The following LYST variants were observed in gnomAD, a reference collection of about 807,000 sequenced individuals.
LYST encodes the protein lysosomal trafficking regulator, also known as lysosomal-trafficking regulator.
Under a neutral mutation model 413.6 loss-of-function variants are expected in LYST, and 192 were observed. The ratio of observed to expected loss-of-function variants is 0.46; its 90% CI spans 0.41 to 0.52. LYST has a LOEUF of 0.52. Ranked by LOEUF, LYST falls within the 20% of genes least tolerant of loss-of-function variation. LYST has a pLI of 0.00. For synonymous variants in LYST, 1,525 were observed against 1,567.3 expected (o/e 0.97, Z 0.64); for missense variants, 3,815 against 4,499.9 (o/e 0.85, Z 4.35).
chr1:235,798,492 T>C (rs575525901), intron 10 of LYST, among the ~76,000 whole-genome samples: 5 of 144,996 alleles, frequency 3.4e-5, no homozygotes, highest in Admixed American at 7.3e-5. Flanking sequence ...TGAAGGAGAA[T>C]TGCTTAACCT....
chr1:235,862,848 C>CACACACACACACACACAT (rs36022107), intron 1 of LYST, among the ~76,000 whole-genome samples: 1 of 146,394 alleles, frequency 6.8e-6, no homozygotes, highest in Non-Finnish European at 1.5e-5. Flanking sequence ...CACACACACA[C>CACACACACACACACACAT]CCCTTCAAGA....
chr1:235,867,042 C>T (rs939756926), upstream of LYST: 1 of 152,402 alleles, frequency 6.6e-6, no homozygotes, highest in Non-Finnish European at 1.5e-5. Flanking sequence ...CCGCCTCGCG[C>T]GTGTAAGCCC....
At position 235,828,772 on chromosome 1, in the gene LYST, A is replaced by T. The variant is rs1363896534; in HGVS notation, c.192+1454T>A. The T allele has an allele frequency of 4.5e-6, 4 of 884,632 alleles. No homozygotes were observed. In the East Asian group the frequency reaches 4.8e-4, roughly 105 times the overall value. The allele number at this position is 884,632 out of a possible 1,614,324, so 54.8% of individuals were successfully genotyped here. On this transcript the variant is annotated intron_variant, in intron 3 of 52. Coordinates refer to ENST00000389793, the MANE Select transcript of LYST (RefSeq NM_000081.4). ...ATGGTGTACATATTAAATAATCAAA[A>T]TTTCAAAATAAATCACTATACATGG...
chr1:235,827,668 G>A (rs1422760921), intron 3 of LYST: 5 of 984,204 alleles, frequency 5.1e-6, no homozygotes, highest in Admixed American at 6.2e-5. Context: ...CACTCCAAAG[G>A]CACATCTACT....
chr1:235,744,135 G>A lies in LYST; in HGVS notation c.7995C>T (p.Asp2665=), dbSNP rs781065070. The A allele has an allele frequency of 4.2e-5, 66 of 1,585,954 alleles. 1 individual carries two copies. The Admixed American group carries it at 1.1e-3, about 26-fold the overall frequency. The part of the protein sequence containing the change: ...IYQEFNSDII[D]ILRTPENVTQ... ...TTACATTTTCTGGAGTTCTCAAAAT[G>A]TCAATAATGTCTGAATTAAATTCTT... is the stretch of plus-strand genomic sequence containing the variant. The change falls in exon 30 of 53, where the codon GAC becomes GAT. Residue 2665 remains aspartate, a synonymous_variant. Transcript: ENST00000389793.
At chr1:235,694,472 T>C (rs1660933928) in intron 46 of LYST, among the ~76,000 whole-genome samples, 1 of 152,192 alleles carries the variant, frequency 6.6e-6, no homozygotes, top group Admixed American at 6.5e-5. Flanking sequence ...CCCTTGAAAC[T>C]TGCAATGTTT....
chr1:235,782,158 G>C, intron 14 of LYST, 71 bp from the exon 15 acceptor site: 4 of 1,226,974 alleles, frequency 3.3e-6, no homozygotes, highest in Non-Finnish European at 4.6e-6. Flanking sequence ...TTTAAAGTAT[G>C]AATATTTAAC....
chr1:235,763,400 C>A lies in LYST; in HGVS notation c.6122-549G>T, dbSNP rs543028271. 2.1e-5 allele frequency among the ~76,000 whole-genome samples: 3 copies of A among 140,042 alleles called. No homozygotes were observed. In the East Asian group the frequency reaches 1.1e-3, roughly 49 times the overall value. The allele number at this position is 140,042 out of a possible 152,430, so 91.9% of individuals were successfully genotyped here. ...TTCCCATGTGGTAACCTGGAGCTAC[C>A]CTTGACCACTACCTTTCCTTTATCC... On this transcript the variant is annotated intron_variant, in intron 21 of 52. Transcript: ENST00000389793.
rs1173825145 is a variant in LYST, at chr1:235,662,731, ATCT to A, written c.*206_*208del. On this transcript the variant is annotated 3_prime_UTR_variant, in exon 53 of 53. Transcript: ENST00000389793. ...TTGTTGGCTAGTGCATATTGACACA[ATCT>A]TCCAGATTATCACTAAAATAGAACA... 3.2e-6 allele frequency: 2 copies of A among 625,166 alleles called. No homozygotes were observed. Among genetic ancestry groups the A allele is most frequent in the African/African-American group, 3.6e-5 (2 of 55,282 alleles). The allele number at this position is 625,166 out of a possible 1,614,324, so 38.7% of individuals were successfully genotyped here. A position where few individuals can be genotyped will look rare whatever the true frequency, so the allele number is the denominator to read the frequency against.
At chr1:235,725,046 A>G (rs1558154972) in intron 38 of LYST, among the ~76,000 whole-genome samples, 1 of 152,226 alleles carries the variant, frequency 6.6e-6, no homozygotes, top group Admixed American at 6.5e-5. Flanking sequence ...GGCCCCTAGA[A>G]TCAGGGTATG....
intron 6 of LYST, among the ~76,000 whole-genome samples, chr1:235,805,234 T>C (rs1198465377): frequency 6.6e-6 from 1 of 152,102 alleles, no homozygotes; most frequent in Non-Finnish European, 1.5e-5. Context: ...GACAAAGATG[T>C]GGTTTTAGGA....
intron 1 of LYST, among the ~76,000 whole-genome samples, chr1:235,857,585 AAAG>A (rs1297522548): frequency 6.6e-6 from 1 of 152,044 alleles, no homozygotes; most frequent in Non-Finnish European, 1.5e-5. Context: ...AGGAGCTGGC[AAAG>A]AAGAATCCAG....
Position 235,827,514 on chromosome 1 carries a change from T to C in LYST, c.192+2712A>G, listed in dbSNP as rs1263365572. 5.1e-6 allele frequency: 5 copies of C among 979,068 alleles called. No homozygotes were observed. The African/African-American group carries it at 5.3e-5, about 10-fold the overall frequency. The allele number at this position is 979,068 out of a possible 1,614,324, so 60.6% of individuals were successfully genotyped here. ...AATTTCCTCCTAAAACATACAACTA[T>C]GTGTCTAGTGTTATGATTTCATCTT... On this transcript the variant is annotated intron_variant, in intron 3 of 52. Transcript: ENST00000389793.
chr1:235,788,726 G>T lies in LYST; in HGVS notation c.4663C>A (p.Pro1555Thr), dbSNP rs1163256341. ...CGAAAGATAAGAGTGGCATTGTGGG[G>T]ATCAGCCCACACTTGGATCATCAAC... ...KALMIQVWAD[P>T]HNATLIFRVC... is the part of the protein sequence containing the mutation. Residue 1555 changes from proline to threonine, a missense_variant, in exon 13 of 53, where the codon CCC becomes ACC. Coordinates refer to ENST00000389793, the MANE Select transcript of LYST (RefSeq NM_000081.4). 6.2e-7 allele frequency: 1 copy of T among 1,613,386 alleles called. No homozygotes were observed. Among genetic ancestry groups the T allele is most frequent in the Non-Finnish European group, 8.5e-7 (1 of 1,179,596 alleles).
intron 1 of LYST, among the ~76,000 whole-genome samples, chr1:235,844,809 C>T (rs1446994880): frequency 6.6e-6 from 1 of 152,114 alleles, no homozygotes; most frequent in East Asian, 1.9e-4. Context: ...TAATATAATT[C>T]TCTTTAAAGA....
chr1:235,862,837 A>ACG (rs1680056354), intron 1 of LYST, among the ~76,000 whole-genome samples: 2 of 146,772 alleles, frequency 1.4e-5, no homozygotes, highest in African/African-American at 5.2e-5. Flanking sequence ...ACACACACAC[A>ACG]CACACACACA....
rs557991257 is a variant in LYST at position 235,747,671 on chromosome 1, T to C, written c.7781-1144A>G. On this transcript the variant is annotated intron_variant, in intron 28 of 52. Transcript: ENST00000389793. ...TTCATGCTGTACGTGCAGCTGATGA[T>C]TGTAATTCAGCGGTATGATAATACA... is the stretch of plus-strand genomic sequence containing the variant. 2.6e-5 allele frequency among the ~76,000 whole-genome samples: 4 copies of C among 152,334 alleles called. No homozygotes were observed. In the South Asian group the frequency reaches 8.3e-4, roughly 32 times the overall value.
chr1:235,712,748 A>G (rs1662504089), intron 42 of LYST: 1 of 985,188 alleles, frequency 1.0e-6, no homozygotes, highest in Non-Finnish European at 1.2e-6. Flanking sequence ...ACTCTGAGCT[A>G]AAGAATTGAG....
chr1:235,877,799 T>C (rs1487838734), intron 1 of LYST, among the ~76,000 whole-genome samples: 2 of 148,296 alleles, frequency 1.3e-5, no homozygotes, highest in African/African-American at 2.5e-5. Flanking sequence ...AGGTGGGTCA[T>C]CTTATGGGAA....
Sources: gnomAD v4.1 joint callset for allele counts (sites outside exome capture counted in the v4.1 genomes callset) on GRCh38, gnomAD v4.1.1 for gene constraint, MANE v1.5 for transcripts, NCBI Gene and HGNC (gene_info 2026-07-23, HGNC 2026-07-21) for gene names.